Variants in MACROD2 observed in about 807,000 individuals in gnomAD.
MACROD2 encodes the protein ADP-ribose glycohydrolase MACROD2.
Under a neutral mutation model 70.4 loss-of-function variants are expected in MACROD2, and 36 were observed. The ratio of observed to expected loss-of-function variants is 0.51; its 90% CI spans 0.39 to 0.68. The LOEUF is 0.68. MACROD2 is among the 30% of genes least tolerant of loss of function. MACROD2 has a pLI of 0.00. For synonymous variants in MACROD2, 172 were observed against 178.8 expected (o/e 0.96, Z 0.30); for missense variants, 496 against 538.4 (o/e 0.92, Z 0.78).
At chr20:15,630,911 C>A (rs946332584) in intron 8 of MACROD2, among the ~76,000 whole-genome samples, 4 of 152,134 alleles carry the variant, frequency 2.6e-5, no homozygotes, top group Non-Finnish European at 4.4e-5. Context: ...AAATCGATTC[C>A]AACAGAACTT....
At chr20:15,196,161 G>T (rs1421891895) in intron 5 of MACROD2, among the ~76,000 whole-genome samples, 1 of 151,812 alleles carries the variant, frequency 6.6e-6, no homozygotes, top group African/African-American at 2.4e-5. Context: ...GTGATTGGAT[G>T]ATCTGTGCAG....
intron 3 of MACROD2, among the ~76,000 whole-genome samples, chr20:14,093,474 C>G (rs949797701): frequency 6.6e-6 from 1 of 152,090 alleles, no homozygotes; most frequent in Non-Finnish European, 1.5e-5. Context: ...ACGTGATGTT[C>G]AGATTCTGCC....
intron 3 of MACROD2, among the ~76,000 whole-genome samples, chr20:14,156,907 A>G (rs576940194): frequency 6.6e-6 from 1 of 152,358 alleles, no homozygotes; most frequent in South Asian, 2.1e-4. Flanking sequence ...TCCATCCTGC[A>G]GGATTTTAAA....
At chr20:15,428,371 C>T (rs1299816280) in intron 6 of MACROD2, among the ~76,000 whole-genome samples, 1 of 152,138 alleles carries the variant, frequency 6.6e-6, no homozygotes, top group Non-Finnish European at 1.5e-5. Flanking sequence ...AAATGTGCCC[C>T]TCTGGCACAT....
chr20:14,083,121 TAAA>T (rs377207705), intron 2 of MACROD2, among the ~76,000 whole-genome samples: 53 of 136,444 alleles, frequency 3.9e-4, no homozygotes, highest in East Asian at 4.2e-4. Context: ...GTCACCTTTG[TAAA>T]AAAAAAAAAA....
intron 8 of MACROD2, among the ~76,000 whole-genome samples, chr20:15,746,257 A>T (rs114165569): frequency 0.015 from 2,299 of 152,036 alleles, 56 homozygotes; most frequent in African/African-American, 0.052. Context: ...TTTCCAGGTG[A>T]TAGATTATTT....
intron 5 of MACROD2, among the ~76,000 whole-genome samples, chr20:14,832,774 A>G (rs2072986259): frequency 6.6e-6 from 1 of 152,144 alleles, no homozygotes; most frequent in Non-Finnish European, 1.5e-5. Flanking sequence ...CTTGAGTGCA[A>G]GCAGTTTACT....
intron 8 of MACROD2, among the ~76,000 whole-genome samples, chr20:15,537,676 G>A (rs2047895530): frequency 6.6e-6 from 1 of 151,968 alleles, no homozygotes; most frequent in South Asian, 2.1e-4. Context: ...GTTTCACCAT[G>A]TTGGCCAGGC....
intron 3 of MACROD2, among the ~76,000 whole-genome samples, chr20:14,138,865 A>G (rs6079315): frequency 0.73 from 110,089 of 151,584 alleles, 40,319 homozygotes; most frequent in East Asian, 0.81. Context: ...TCATTCTACA[A>G]TGTAACATAT....
At chr20:15,908,872 G>A (rs1384356520) in intron 10 of MACROD2, among the ~76,000 whole-genome samples, 1 of 152,196 alleles carries the variant, frequency 6.6e-6, no homozygotes, top group Admixed American at 6.5e-5. Context: ...AAGTCACCCT[G>A]ACAGGCTCTT....
chr20:15,554,618 G>C (rs16995961), intron 8 of MACROD2, among the ~76,000 whole-genome samples: 5,807 of 150,366 alleles, frequency 0.039, 123 homozygotes, highest in East Asian at 0.046. Context: ...TATATAACTT[G>C]TATGCTTAGG....
chr20:15,900,407 A>G (rs1026514378), intron 10 of MACROD2, among the ~76,000 whole-genome samples: 6 of 152,166 alleles, frequency 3.9e-5, no homozygotes, highest in African/African-American at 1.4e-4. Flanking sequence ...TATTTTTCTT[A>G]TATTCTGCTT....
intron 10 of MACROD2, among the ~76,000 whole-genome samples, chr20:15,904,902 A>AAAG (rs1568630550): frequency 3.3e-5 from 5 of 149,994 alleles, no homozygotes; most frequent in African/African-American, 1.2e-4. Context: ...AAAAAAAAAA[A>AAAG]AAGAAGGAAG....
intron 10 of MACROD2, among the ~76,000 whole-genome samples, chr20:15,908,736 C>G (rs1485048594): frequency 6.6e-6 from 1 of 152,202 alleles, no homozygotes; most frequent in Non-Finnish European, 1.5e-5. Flanking sequence ...TTCTTTATCT[C>G]TCTTATTTCT....
chr20:15,055,559 G>A (rs2075478123), intron 5 of MACROD2, among the ~76,000 whole-genome samples: 1 of 152,162 alleles, frequency 6.6e-6, no homozygotes, highest in Non-Finnish European at 1.5e-5. Flanking sequence ...TTATAGCGGA[G>A]AACAAATACA....
chr20:14,964,893 C>T (rs958815532), intron 5 of MACROD2, among the ~76,000 whole-genome samples: 3 of 152,052 alleles, frequency 2.0e-5, no homozygotes, highest in South Asian at 2.1e-4. Flanking sequence ...CAGGTATAGG[C>T]GGAATACATA....
At chr20:15,961,483 G>GA (rs1300924189) in intron 12 of MACROD2, among the ~76,000 whole-genome samples, 1 of 152,146 alleles carries the variant, frequency 6.6e-6, no homozygotes, top group Non-Finnish European at 1.5e-5. Context: ...CAAGTGTCTG[G>GA]CTAAAAGCAA....
chr20:14,065,844 CACAA>C (rs1341848349), intron 2 of MACROD2, among the ~76,000 whole-genome samples: 1 of 152,160 alleles, frequency 6.6e-6, no homozygotes, highest in Non-Finnish European at 1.5e-5. Context: ...ATAGCTATAA[CACAA>C]ACAGAGATGC....
At chr20:15,602,205 G>C (rs12481560) in intron 8 of MACROD2, among the ~76,000 whole-genome samples, 17 of 152,116 alleles carry the variant, frequency 1.1e-4, no homozygotes, top group Admixed American at 1.1e-3. Flanking sequence ...GATTGACTTA[G>C]CTAAAGAAAG....
Sources: allele counts gnomAD v4.1 joint callset (sites outside exome capture counted in the v4.1 genomes callset), GRCh38; gene constraint gnomAD v4.1.1; transcripts MANE v1.5; gene names NCBI Gene and HGNC (gene_info 2026-07-23, HGNC 2026-07-21).